The following MPP2 variants were observed in gnomAD, a reference collection of about 807,000 sequenced individuals.
MPP2 encodes MAGUK p55 subfamily member 2.
MPP2 carries 42 observed loss-of-function variants against 58.5 expected under a neutral mutation model. The ratio of observed to expected loss-of-function variants is 0.72; its 90% CI spans 0.56 to 0.93. MPP2 has a LOEUF of 0.93. MPP2 is among the 40% of genes least tolerant of loss of function. The pLI is 0.00. For synonymous variants in MPP2, 300 were observed against 307.8 expected (o/e 0.97, Z 0.26); for missense variants, 632 against 760.4 (o/e 0.83, Z 1.99).
In MPP2 at chr17:43,880,404, C is replaced by T. The variant is rs2047055640; in HGVS notation, c.1150+287G>A. Among the ~76,000 whole-genome samples, 1 of 152,216 alleles carries T rather than the reference C, an allele frequency of 6.6e-6. No homozygotes were observed. The highest frequency in any genetic ancestry group is 1.5e-5 in the Non-Finnish European group (1 of 68,044). ...GCTCGTAGCCTGTTTCACCCGGGTG[C>T]ACAGCTGGGCACTCACTTTCTTCAT... On this transcript the variant is annotated intron_variant, in intron 10 of 12. Transcript: ENST00000269095. This position sits in a 1 kb window ranked among gnomAD's most constrained non-coding sequence, Gnocchi z 5.2.
intron 1 of MPP2, 143 bp downstream of exon 1, chr17:43,907,331 G>T (rs2048330464): frequency 1.0e-6 from 1 of 985,594 alleles, no homozygotes; most frequent in South Asian, 4.7e-5. Context: ...GGCGGGGGCG[G>T]GTGGACAGGG....
Position 43,879,942 on chromosome 17 carries a change from C to T in MPP2, c.1193G>A (p.Gly398Asp). ...CTCCCCACGGGACACAAAGCTGTAA[C>T]CCTGACCTTCCCGCTCTGAGTCTTT... ...RPKDSEREGQ[G>D]YSFVSRGEME... Residue 398 changes from glycine to aspartate, a missense_variant, in exon 11 of 13, where the codon GGT becomes GAT. Transcript: ENST00000269095. The surrounding 1 kb of genome is among the most constrained non-coding windows in gnomAD (Gnocchi z 4.1). 1.9e-6 allele frequency: 3 copies of T among 1,614,122 alleles called. No individual in the cohort carries two copies. Among genetic ancestry groups the T allele is most frequent in the Non-Finnish European group, 2.5e-6 (3 of 1,180,012 alleles).
chr17:43,901,949 G>A lies in MPP2; in HGVS notation c.31+2481C>T, dbSNP rs2048111279. ...TCTTATTAGCTTTGCCCTTTGCAGA[G>A]TCCAAGGCAGGGATCTCCCAGGGGA... On this transcript the variant is annotated intron_variant, in intron 2 of 12. Coordinates refer to ENST00000269095, the MANE Select transcript of MPP2 (RefSeq NM_005374.5). Among the ~76,000 whole-genome samples the A allele has an allele frequency of 2.0e-5, 3 of 152,164 alleles. No individual in the cohort carries two copies. The South Asian group carries it at 6.2e-4, about 31-fold the overall frequency.
chr17:43,901,237 G>A (rs950758397), intron 2 of MPP2: 47 of 984,674 alleles, frequency 4.8e-5, no homozygotes, highest in Non-Finnish European at 5.4e-5. Flanking sequence ...GGTACGTGGG[G>A]GAGGTGGCAT....
intron 3 of MPP2, among the ~76,000 whole-genome samples, chr17:43,895,873 A>G (rs923539878): frequency 2.0e-5 from 3 of 152,060 alleles, no homozygotes; most frequent in Admixed American, 1.3e-4. Flanking sequence ...CCTTTCTCCA[A>G]TCTCCTCCAA....
intron 3 of MPP2, among the ~76,000 whole-genome samples, chr17:43,897,550 C>A (rs943447018): frequency 6.6e-5 from 10 of 152,170 alleles, no homozygotes; most frequent in Non-Finnish European, 1.3e-4. Flanking sequence ...CAAGCACCCA[C>A]ATACAGCCCC....
upstream of MPP2, among the ~76,000 whole-genome samples, chr17:43,909,310 C>T (rs1205948399): frequency 1.3e-5 from 2 of 152,090 alleles, no homozygotes; most frequent in East Asian, 3.9e-4. Context: ...AGGTGATCTG[C>T]CCACCTCAGC....
chr17:43,903,519 T>C (rs1300787895), intron 2 of MPP2, among the ~76,000 whole-genome samples: 1 of 151,070 alleles, frequency 6.6e-6, no homozygotes, highest in Non-Finnish European at 1.5e-5. Context: ...CATTTTTGTC[T>C]TTACGAAAAA....
In MPP2 at chr17:43,878,059, C is replaced by T. The variant is rs974190112; in HGVS notation, c.1483-76G>A. 5.5e-6 allele frequency: 8 copies of T among 1,453,024 alleles called. No individual in the cohort carries two copies. The Admixed American group carries it at 5.9e-5, about 11-fold the overall frequency. 90.0% of individuals were successfully genotyped at this position (1,453,024 alleles called of 1,614,324 possible). A position where few individuals can be genotyped will look rare whatever the true frequency, so the allele number is the denominator to read the frequency against. On this transcript the variant is annotated intron_variant, in intron 12 of 12. Transcript: ENST00000269095. ...CCACTGTCAGAAGGAGCTACAGCTGCCCCCACTCCCCCTCCCCAAAGCCCA... is the reference window on the plus strand; with the variant it reads ...CCACTGTCAGAAGGAGCTACAGCTGTCCCCACTCCCCCTCCCCAAAGCCCA...
chr17:43,887,129 G>A (rs966955229), intron 3 of MPP2, among the ~76,000 whole-genome samples: 2 of 152,064 alleles, frequency 1.3e-5, no homozygotes, highest in Non-Finnish European at 2.9e-5. Flanking sequence ...AAGGAGGAAG[G>A]ACTGCTTGAG....
chr17:43,881,224 G>A lies in MPP2; in HGVS notation c.919+20C>T, dbSNP rs1479479458. 3 of 1,612,120 alleles carry A rather than the reference G, an allele frequency of 1.9e-6. No homozygotes were observed. The highest frequency in any genetic ancestry group is 1.1e-5 in the South Asian group (1 of 91,032). On this transcript the variant is annotated intron_variant, in intron 8 of 12. Transcript: ENST00000269095. ...TGTTGGATCCCAGATTGGAGGTGTGGGGTAGGGGGGACCTCCTACCTGAGT... is the reference window on the plus strand; with the variant it reads ...TGTTGGATCCCAGATTGGAGGTGTGAGGTAGGGGGGACCTCCTACCTGAGT...
chr17:43,901,232 G>A (rs2143772093), intron 2 of MPP2: 3 of 983,864 alleles, frequency 3.0e-6, no homozygotes, highest in East Asian at 2.3e-4. Context: ...GGCAGGGTAC[G>A]TGGGGGAGGT....
intron 3 of MPP2, among the ~76,000 whole-genome samples, chr17:43,883,759 T>C (rs1433915369): frequency 2.0e-5 from 3 of 151,462 alleles, no homozygotes; most frequent in African/African-American, 2.4e-5. Context: ...ATTAGGGAGG[T>C]AGAATAACTT....
intron 1 of MPP2, among the ~76,000 whole-genome samples, chr17:43,904,871 T>G (rs1251052320): frequency 6.6e-6 from 1 of 152,198 alleles, no homozygotes; most frequent in Non-Finnish European, 1.5e-5. Context: ...AAGTAGAATT[T>G]TTAGAGGGTA....
intron 1 of MPP2, chr17:43,906,162 G>C (rs1338895217): frequency 1.0e-6 from 1 of 982,990 alleles, no homozygotes; most frequent in Non-Finnish European, 1.2e-6. Flanking sequence ...CTAGAGCGTG[G>C]AGGGCGGGAA....
intron 3 of MPP2, among the ~76,000 whole-genome samples, chr17:43,887,391 A>C (rs530521461): frequency 6.6e-5 from 10 of 152,090 alleles, no homozygotes; most frequent in Admixed American, 3.3e-4. Context: ...CTCAAAAAAC[A>C]AATTTTTTAA....
chr17:43,890,742 C>G (rs1430975487), intron 3 of MPP2, among the ~76,000 whole-genome samples: 2 of 152,192 alleles, frequency 1.3e-5, no homozygotes, highest in Non-Finnish European at 2.9e-5. Flanking sequence ...GAGGCTTGTC[C>G]TTCCTTGCTT....
At chr17:43,909,048 C>CCTTCTT (rs375218017), upstream of MPP2, among the ~76,000 whole-genome samples, 3 of 151,930 alleles carry the variant, frequency 2.0e-5, no homozygotes, top group Admixed American at 6.6e-5. Flanking sequence ...GCTAGAAAAT[C>CCTTCTT]CTTCTTCTTC....
intron 3 of MPP2, among the ~76,000 whole-genome samples, chr17:43,892,542 CTT>C (rs139751840): frequency 6.7e-6 from 1 of 149,646 alleles, no homozygotes; most frequent in Non-Finnish European, 1.5e-5. Context: ...AAATGAATGG[CTT>C]TTTTTTTTCC....
Sources: allele counts gnomAD v4.1 joint callset (sites outside exome capture counted in the v4.1 genomes callset), GRCh38; gene constraint gnomAD v4.1.1; non-coding constraint Gnocchi (gnomAD v3.1); transcripts MANE v1.5; gene names NCBI Gene and HGNC (gene_info 2026-07-23, HGNC 2026-07-21).